SLC9C2: variants seen among roughly 807,000 people sequenced by gnomAD.
SLC9C2 encodes sodium/hydrogen exchanger 11.
Under a neutral mutation model 140.2 loss-of-function variants are expected in SLC9C2, and 75 were observed. That is an observed-to-expected ratio of 0.53 (90% CI 0.44 to 0.65). SLC9C2 has a LOEUF of 0.65. Ranked by LOEUF, SLC9C2 falls within the 30% of genes least tolerant of loss-of-function variation. The pLI is 0.00. For synonymous variants in SLC9C2, 375 were observed against 420.9 expected (o/e 0.89, Z 1.34); for missense variants, 1,074 against 1,331.8 (o/e 0.81, Z 3.01).
At chr1:173,591,657 G>A (rs1666173295) in intron 4 of SLC9C2, among the ~76,000 whole-genome samples, 1 of 151,984 alleles carries the variant, frequency 6.6e-6, no homozygotes. Flanking sequence ...TATGCTCGTT[G>A]GCTGCAAGTA....
In SLC9C2 at chr1:173,500,964, G is replaced by A; in HGVS notation, c.*130C>T. 9.2e-7 allele frequency: 1 copy of A among 1,085,938 alleles called. No homozygotes were observed. The highest frequency in any genetic ancestry group is 1.2e-6 in the Non-Finnish European group (1 of 828,196). The allele number at this position is 1,085,938 out of a possible 1,614,324, so 67.3% of individuals were successfully genotyped here. ...CTAAATGCAGCAGTAACCTGTTTCA[G>A]TAGCTTCTAAGTAAACTCCTTGCAG... On this transcript the variant is annotated 3_prime_UTR_variant, in exon 28 of 28. Coordinates refer to ENST00000367714, the MANE Select transcript of SLC9C2 (RefSeq NM_178527.4).
Position 173,506,618 on chromosome 1 carries a change from G to A in SLC9C2, c.3225+238C>T, listed in dbSNP as rs182894235. On this transcript the variant is annotated intron_variant, in intron 25 of 27. Transcript: ENST00000367714. ...ACAGCCCCACGCCAGGGCAAAGGGC[G>A]TGGCAAGCAAACAGCAGGCAGATTT... Among the ~76,000 whole-genome samples, 351 of 152,308 alleles carry A rather than the reference G, an allele frequency of 2.3e-3. 4 individuals are homozygous for A. Among genetic ancestry groups the A allele is most frequent in the African/African-American group, 7.9e-3 (327 of 41,570 alleles).
chr1:173,524,474 T>C (rs577238858), intron 20 of SLC9C2, among the ~76,000 whole-genome samples: 4 of 152,316 alleles, frequency 2.6e-5, no homozygotes, highest in African/African-American at 9.6e-5. Context: ...CCTTAGGCCT[T>C]GTCACATATC....
chr1:173,519,797 T>A lies in SLC9C2; in HGVS notation c.2739+1504A>T, dbSNP rs528200990. On this transcript the variant is annotated intron_variant, in intron 22 of 27. Coordinates refer to ENST00000367714, the MANE Select transcript of SLC9C2 (RefSeq NM_178527.4). ...CAAAGTAATCTTTGGCCTCTGAGTA[T>A]GTGTAGTTGGGGCCAAGTGAATTTT... 2.7e-4 allele frequency among the ~76,000 whole-genome samples: 41 copies of A among 152,246 alleles called. No homozygotes were observed. The South Asian group carries it at 6.2e-3, about 23-fold the overall frequency.
At chr1:173,528,561 A>T (rs1418340979) in intron 18 of SLC9C2, among the ~76,000 whole-genome samples, 3 of 152,174 alleles carry the variant, frequency 2.0e-5, no homozygotes, top group Non-Finnish European at 4.4e-5. Context: ...TTACACATTA[A>T]TGTTCAATCC....
Position 173,563,218 on chromosome 1 carries a change from G to A in SLC9C2, c.1047-5710C>T, listed in dbSNP as rs113880040. Among the ~76,000 whole-genome samples the A allele has an allele frequency of 1.4e-3, 207 of 151,830 alleles. 1 individual carries two copies. The highest frequency in any genetic ancestry group is 4.8e-3 in the African/African-American group (199 of 41,406). ...GAGGGTCCTTTGAGCCAGCTGATGAGGGGGGCAGGGCCAGTGTTCCACAAG... is the reference window on the plus strand; with the variant it reads ...GAGGGTCCTTTGAGCCAGCTGATGAAGGGGGCAGGGCCAGTGTTCCACAAG... On this transcript the variant is annotated intron_variant, in intron 9 of 27. Transcript: ENST00000367714.
chr1:173,598,571 T>C (rs1666574593), intron 3 of SLC9C2, among the ~76,000 whole-genome samples: 1 of 152,162 alleles, frequency 6.6e-6, no homozygotes, highest in Non-Finnish European at 1.5e-5. Context: ...AATACAACAA[T>C]AATGATTGAA....
intron 7 of SLC9C2, among the ~76,000 whole-genome samples, chr1:173,577,926 C>A (rs1665283503): frequency 6.6e-6 from 1 of 152,080 alleles, no homozygotes; most frequent in South Asian, 2.1e-4. Context: ...GACAATAAAA[C>A]CAGGAGTGCC....
At chr1:173,516,307 C>A (rs1009915552) in intron 23 of SLC9C2, among the ~76,000 whole-genome samples, 2 of 152,166 alleles carry the variant, frequency 1.3e-5, no homozygotes, top group African/African-American at 4.8e-5. Flanking sequence ...TAAAAACAAA[C>A]AAGTATTCCT....
chr1:173,571,938 G>A (rs1249274687), intron 9 of SLC9C2, among the ~76,000 whole-genome samples: 2 of 152,182 alleles, frequency 1.3e-5, no homozygotes, highest in Non-Finnish European at 2.9e-5. Context: ...CCACAATCAT[G>A]GCAAAAACTC....
intron 16 of SLC9C2, among the ~76,000 whole-genome samples, chr1:173,534,218 C>T (rs1558039117): frequency 6.6e-6 from 1 of 152,032 alleles, no homozygotes; most frequent in Non-Finnish European, 1.5e-5. Flanking sequence ...GGGAAACGTC[C>T]ATGTCTGGAT....
chr1:173,548,623 G>A, intron 11 of SLC9C2, 71 bp from the exon 12 acceptor site: 1 of 1,538,264 alleles, frequency 6.5e-7, no homozygotes, highest in African/African-American at 1.4e-5. Context: ...AAAAAATGTT[G>A]CATGATCATG....
intron 11 of SLC9C2, among the ~76,000 whole-genome samples, chr1:173,553,884 A>C (rs1214618806): frequency 6.6e-6 from 1 of 152,146 alleles, no homozygotes; most frequent in African/African-American, 2.4e-5. Flanking sequence ...TGTAGCAGCA[A>C]AGCTGAGGAT....
chr1:173,504,308 C>T (rs1452575157), intron 26 of SLC9C2, among the ~76,000 whole-genome samples: 1 of 152,148 alleles, frequency 6.6e-6, no homozygotes. Context: ...TGTCTCTCCT[C>T]CCTATGAAGG....
intron 9 of SLC9C2, among the ~76,000 whole-genome samples, chr1:173,559,589 G>T (rs959993353): frequency 6.6e-6 from 1 of 152,196 alleles, no homozygotes; most frequent in African/African-American, 2.4e-5. Context: ...GGTTTGAGTG[G>T]TCTCCCATGC....
chr1:173,590,999 C>T (rs1293616881), intron 4 of SLC9C2, among the ~76,000 whole-genome samples: 2 of 152,036 alleles, frequency 1.3e-5, no homozygotes, highest in Non-Finnish European at 2.9e-5. Flanking sequence ...TTTCATCACC[C>T]AGGTACTAAG....
Position 173,550,872 on chromosome 1 carries a change from A to AAGAGAGAGAGAGAGAGAGAG in SLC9C2, c.1298-2340_1298-2321dup, listed in dbSNP as rs143296396. Among the ~76,000 whole-genome samples the AAGAGAGAGAGAGAGAGAGAG allele has an allele frequency of 2.3e-3, 197 of 86,488 alleles. 15 individuals are homozygous for AAGAGAGAGAGAGAGAGAGAG. Among genetic ancestry groups the AAGAGAGAGAGAGAGAGAGAG allele is most frequent in the African/African-American group, 0.01 (158 of 15,300 alleles). 56.7% of individuals were successfully genotyped at this position (86,488 alleles called of 152,430 possible). On this transcript the variant is annotated intron_variant, in intron 11 of 27. Coordinates refer to ENST00000367714, the MANE Select transcript of SLC9C2 (RefSeq NM_178527.4). ...CCTGGGCAAGATAGTGAGCCGTTGA[A>AAGAGAGAGAGAGAGAGAGAG]AGAGAGAGAGAGAGAGAGAGAGAGA...
At chr1:173,514,601 C>T (rs1660290557) in intron 23 of SLC9C2, among the ~76,000 whole-genome samples, 1 of 152,086 alleles carries the variant, frequency 6.6e-6, no homozygotes, top group African/African-American at 2.4e-5. Flanking sequence ...ATCCAATTTG[C>T]CAGTCTGTGT....
intron 13 of SLC9C2, among the ~76,000 whole-genome samples, chr1:173,537,635 T>C (rs1038010741): frequency 1.3e-5 from 2 of 152,078 alleles, no homozygotes; most frequent in Admixed American, 1.3e-4. Flanking sequence ...CACACACACA[T>C]ATATACGCAT....
Sources: gnomAD v4.1 joint callset for allele counts (sites outside exome capture counted in the v4.1 genomes callset) on GRCh38, gnomAD v4.1.1 for gene constraint, MANE v1.5 for transcripts, NCBI Gene and HGNC (gene_info 2026-07-23, HGNC 2026-07-21) for gene names.